ADAMTS12: variants seen among roughly 807,000 people sequenced by gnomAD.
ADAMTS12 encodes the protein ADAM metallopeptidase with thrombospondin type 1 motif 12.
A neutral mutation model predicts 167.8 loss-of-function variants in ADAMTS12; 118 were observed. The observed-to-expected ratio is 0.70, with a 90% CI of 0.61 to 0.82. ADAMTS12 has a LOEUF of 0.82. Ranked by LOEUF, ADAMTS12 falls within the 40% of genes least tolerant of loss-of-function variation. The pLI, the probability that ADAMTS12 is intolerant of heterozygous loss-of-function variation, is 0.00. For synonymous variants in ADAMTS12, 704 were observed against 716.9 expected, an observed-to-expected ratio of 0.98 and a Z score of 0.29; for missense variants, 1,916 against 1,998.8, an observed-to-expected ratio of 0.96 and a Z score of 0.79.
At position 33,782,295 on chromosome 5, in the gene ADAMTS12, A is replaced by T. The variant is rs75975014; in HGVS notation, c.490-30747T>A. ...CGAACAACCAAAAAGAAAATAGTTT[A>T]AAAATATGGTTAAAAATCAACAGAA... On this transcript the variant is annotated intron_variant, in intron 2 of 23. Coordinates refer to ENST00000504830, the MANE Select transcript of ADAMTS12 (RefSeq NM_030955.4). Among the ~76,000 whole-genome samples the T allele has an allele frequency of 7.0e-4, 106 of 152,086 alleles. 1 individual carries two copies. In the East Asian group the frequency reaches 0.02, roughly 28 times the overall value.
chr5:33,826,951 G>A (rs1006707558), intron 2 of ADAMTS12, among the ~76,000 whole-genome samples: 10 of 152,104 alleles, frequency 6.6e-5, no homozygotes, highest in African/African-American at 2.2e-4. Context: ...ATAAGCTTTA[G>A]TCATGTACTG....
chr5:33,778,846 A>C (rs1255966406), intron 2 of ADAMTS12, among the ~76,000 whole-genome samples: 1 of 152,168 alleles, frequency 6.6e-6, no homozygotes, highest in East Asian at 1.9e-4. Context: ...ACTCAATTAA[A>C]AATGGGCAAA....
At chr5:33,679,575 C>T (rs1579829356) in intron 5 of ADAMTS12, among the ~76,000 whole-genome samples, 2 of 152,172 alleles carry the variant, frequency 1.3e-5, no homozygotes, top group Admixed American at 1.3e-4. Context: ...TTAGCCTAAC[C>T]GTATCACTTC....
intron 3 of ADAMTS12, among the ~76,000 whole-genome samples, chr5:33,731,833 T>C (rs1200100449): frequency 6.6e-6 from 1 of 152,186 alleles, no homozygotes; most frequent in Non-Finnish European, 1.5e-5. Flanking sequence ...TGTGTTATTA[T>C]GGACAAGACT....
chr5:33,771,614 T>A (rs905251886), intron 2 of ADAMTS12, among the ~76,000 whole-genome samples: 1 of 152,176 alleles, frequency 6.6e-6, no homozygotes, highest in East Asian at 1.9e-4. Flanking sequence ...TTTTGCAAGA[T>A]GAAGAGTTCT....
chr5:33,665,651 ATGT>A (rs1388671675), intron 5 of ADAMTS12, among the ~76,000 whole-genome samples: 1 of 152,204 alleles, frequency 6.6e-6, no homozygotes, highest in Non-Finnish European at 1.5e-5. Context: ...GAAACCACAG[ATGT>A]TGTGCCAAAC....
intron 3 of ADAMTS12, among the ~76,000 whole-genome samples, chr5:33,717,130 T>C (rs2112328244): frequency 6.6e-6 from 1 of 152,176 alleles, no homozygotes; most frequent in South Asian, 2.1e-4. Context: ...TTTTTTTTTT[T>C]TTTAAGCTCT....
At chr5:33,681,442 C>T (rs1742109221) in intron 5 of ADAMTS12, among the ~76,000 whole-genome samples, 1 of 152,138 alleles carries the variant, frequency 6.6e-6, no homozygotes. Context: ...GTTGGCTGGT[C>T]CTACCATTCA....
chr5:33,728,761 G>A (rs1391242238), intron 3 of ADAMTS12, among the ~76,000 whole-genome samples: 2 of 152,202 alleles, frequency 1.3e-5, no homozygotes, highest in Non-Finnish European at 2.9e-5. Context: ...AACAGTCATG[G>A]AGAGAAAAGA....
At chr5:33,789,166 G>T (rs1746436823) in intron 2 of ADAMTS12, among the ~76,000 whole-genome samples, 1 of 141,592 alleles carries the variant, frequency 7.1e-6, no homozygotes, top group African/African-American at 3.0e-5. Flanking sequence ...ATTCCCTAGG[G>T]GACAGAAAGG....
At chr5:33,761,915 G>C (rs560976310) in intron 2 of ADAMTS12, among the ~76,000 whole-genome samples, 1 of 152,230 alleles carries the variant, frequency 6.6e-6, no homozygotes, top group Non-Finnish European at 1.5e-5. Context: ...CAAGGGGGCC[G>C]GGCATGGTGG....
chr5:33,581,380 C>T (rs369509175), intron 18 of ADAMTS12, among the ~76,000 whole-genome samples: 23 of 152,268 alleles, frequency 1.5e-4, no homozygotes, highest in Middle Eastern at 3.4e-3. Flanking sequence ...TGGATACAGG[C>T]CTCTTGTCGG....
chr5:33,818,938 G>C (rs56146616), intron 2 of ADAMTS12, among the ~76,000 whole-genome samples: 22,652 of 151,702 alleles, frequency 0.15, 2,203 homozygotes, highest in South Asian at 0.38. Context: ...AAATTATTTT[G>C]TTTTCTGCTA....
intron 3 of ADAMTS12, among the ~76,000 whole-genome samples, chr5:33,685,270 A>G (rs1742281332): frequency 6.6e-6 from 1 of 152,216 alleles, no homozygotes; most frequent in African/African-American, 2.4e-5. Context: ...GGGACACTCA[A>G]CAACTCACAG....
At position 33,534,902 on chromosome 5, in the gene ADAMTS12, G is replaced by C; in HGVS notation, c.4537C>G (p.Leu1513Val). 6.2e-7 allele frequency: 1 copy of C among 1,614,110 alleles called. No homozygotes were observed. Among genetic ancestry groups the C allele is most frequent in the Non-Finnish European group, 8.5e-7 (1 of 1,180,012 alleles). ...GGAGGTCTGGGTTTGTGATCACATAGACATTGGTCTTGGTCTTCAGTTTTA... is the reference window on the plus strand; with the variant it reads ...GGAGGTCTGGGTTTGTGATCACATACACATTGGTCTTGGTCTTCAGTTTTA... ...GNKTEDQDQC[L>V]CDHKPRPPEF... The change falls in exon 23 of 24, where the codon CTA (leucine) becomes GTA (valine). Residue 1513 changes from leucine to valine, a missense_variant. By Grantham distance (32) the Leu-to-Val change is conservative (BLOSUM62 1). Coordinates refer to ENST00000504830, the MANE Select transcript of ADAMTS12 (RefSeq NM_030955.4).
intron 2 of ADAMTS12, among the ~76,000 whole-genome samples, chr5:33,844,602 T>C (rs1262533969): frequency 3.3e-5 from 5 of 152,226 alleles, no homozygotes; most frequent in African/African-American, 1.2e-4. Context: ...ATGTTATCAA[T>C]GACAATGGTG....
At chr5:33,828,147 C>A (rs1349301611) in intron 2 of ADAMTS12, among the ~76,000 whole-genome samples, 1 of 152,214 alleles carries the variant, frequency 6.6e-6, no homozygotes, top group Non-Finnish European at 1.5e-5. Context: ...GGCTACTCCC[C>A]TGGCAGTGCA....
chr5:33,630,407 T>A (rs1444988192), intron 13 of ADAMTS12, among the ~76,000 whole-genome samples: 1 of 152,224 alleles, frequency 6.6e-6, no homozygotes, highest in East Asian at 1.9e-4. Context: ...GAATTAAATG[T>A]GAAAATGCAT....
chr5:33,637,896 T>C lies in ADAMTS12; in HGVS notation c.1719-150A>G, dbSNP rs537452089. Reference sequence around the variant, plus strand: ...AATAACTGCTTCAAATTTTACACATTTTTTCCTTGCCTGACAACATTTCAG... The same window carrying C: ...AATAACTGCTTCAAATTTTACACATCTTTTCCTTGCCTGACAACATTTCAG... On this transcript the variant is annotated intron_variant, in intron 11 of 23. Transcript: ENST00000504830. 9.1e-5 allele frequency: 74 copies of C among 812,280 alleles called. No individual in the cohort carries two copies. In the South Asian group the frequency reaches 1.4e-3, roughly 15 times the overall value. The allele number at this position is 812,280 out of a possible 1,614,324, so 50.3% of individuals were successfully genotyped here. A position where few individuals can be genotyped will look rare whatever the true frequency, so the allele number is the denominator to read the frequency against.
Sources: gnomAD v4.1 joint callset for allele counts (sites outside exome capture counted in the v4.1 genomes callset) on GRCh38, gnomAD v4.1.1 for gene constraint, MANE v1.5 for transcripts, NCBI Gene and HGNC (gene_info 2026-07-23, HGNC 2026-07-21) for gene names.